The following KCNJ10 variants were observed in gnomAD, a reference collection of about 807,000 sequenced individuals.
KCNJ10 encodes the protein ATP-sensitive inward rectifier potassium channel 10.
KCNJ10 carries 9 observed loss-of-function variants against 22.2 expected under a neutral mutation model. That is an observed-to-expected ratio of 0.40 (90% CI 0.24 to 0.71). KCNJ10 has a LOEUF of 0.71. Among genes scored for constraint, KCNJ10 ranks in the 30% least tolerant of loss-of-function variants. KCNJ10 has a pLI of 0.35. For missense variants in KCNJ10, 337 were observed against 482.7 expected (o/e 0.70, Z 2.83); for synonymous variants, 184 against 187.3 (o/e 0.98, Z 0.15).
chr1:160,069,050 A>G (rs1186676), intron 1 of KCNJ10, among the ~76,000 whole-genome samples: 32,601 of 152,224 alleles, frequency 0.21, 4,356 homozygotes, highest in Non-Finnish European at 0.29. Context: ...AAGCAACAGA[A>G]GCAGGCTTTA....
chr1:160,059,743 C>A (rs764654803), intron 1 of KCNJ10, among the ~76,000 whole-genome samples: 15 of 152,326 alleles, frequency 9.8e-5, no homozygotes, highest in Non-Finnish European at 2.2e-4. Flanking sequence ...CGCTGGAAAC[C>A]CCACAGGGGC....
At chr1:160,052,230 T>A (rs150477654) in intron 1 of KCNJ10, among the ~76,000 whole-genome samples, 45 of 152,344 alleles carry the variant, frequency 3.0e-4, no homozygotes, top group African/African-American at 1.0e-3. Flanking sequence ...ACTATAGCTA[T>A]TAACTAATCC....
At position 160,042,237 on chromosome 1, in the gene KCNJ10, A is replaced by G. The variant is rs540341763; in HGVS notation, c.296T>C (p.Leu99Pro). The G allele has an allele frequency of 1.2e-5, 19 of 1,614,032 alleles. 1 individual carries two copies. In the South Asian group the frequency reaches 2.0e-4, roughly 17 times the overall value. Reference protein sequence around the residue: ...VAVAHGDLLELDPPANHTPCV... With the variant: ...VAVAHGDLLEPDPPANHTPCV... ...GGGGGTGTGGTTGGCCGGGGGGTCC[A>G]GCTCCAGCAGGTCCCCATGTGCCAC... The change falls in exon 2 of 2, where the codon CTG becomes CCG. Residue 99 changes from leucine to proline, a missense_variant. Around this residue, in one of 3 missense-constraint regions of KCNJ10, gnomAD observed 107 missense variants for 135.2 expected, o/e 0.79. Coordinates refer to ENST00000644903, the MANE Select transcript of KCNJ10 (RefSeq NM_002241.5).
At position 160,040,442 on chromosome 1, in the gene KCNJ10, T is replaced by A; in HGVS notation, c.*951A>T. 1 of 398,364 alleles carries A rather than the reference T, an allele frequency of 2.5e-6. No individual in the cohort carries two copies. Among genetic ancestry groups the A allele is most frequent in the Non-Finnish European group, 4.4e-6 (1 of 225,904 alleles). 24.7% of individuals were successfully genotyped at this position (398,364 alleles called of 1,614,324 possible). Reference sequence around the variant, plus strand: ...GGGGTTAAGGAAGAAGGATCTAGGCTGAGCAGGAAAGGAAGAAGAGAAGCC... The same window carrying A: ...GGGGTTAAGGAAGAAGGATCTAGGCAGAGCAGGAAAGGAAGAAGAGAAGCC... On this transcript the variant is annotated 3_prime_UTR_variant, in exon 2 of 2. Coordinates refer to ENST00000644903, the MANE Select transcript of KCNJ10 (RefSeq NM_002241.5).
At chr1:160,047,140 T>C (rs902036537) in intron 1 of KCNJ10, among the ~76,000 whole-genome samples, 5 of 152,234 alleles carry the variant, frequency 3.3e-5, no homozygotes, top group African/African-American at 1.2e-4. Context: ...TTTATTTTAC[T>C]TGAGAGTCAT....
Position 160,041,177 on chromosome 1 carries a change from T to C in KCNJ10, c.*216A>G. On this transcript the variant is annotated 3_prime_UTR_variant, in exon 2 of 2. Coordinates refer to ENST00000644903, the MANE Select transcript of KCNJ10 (RefSeq NM_002241.5). This position sits in a 1 kb window ranked among gnomAD's most constrained non-coding sequence, Gnocchi z 4.4. ...CCCATCCTGGCTTAAGGGAGGTATGTGTATTGGGGCAGAAGCTGGGGAAGT... is the reference window on the plus strand; with the variant it reads ...CCCATCCTGGCTTAAGGGAGGTATGCGTATTGGGGCAGAAGCTGGGGAAGT... 1.7e-6 allele frequency: 1 copy of C among 598,916 alleles called. No individual in the cohort carries two copies. Among genetic ancestry groups the C allele is most frequent in the Non-Finnish European group, 3.0e-6 (1 of 335,086 alleles). 37.1% of individuals were successfully genotyped at this position (598,916 alleles called of 1,614,324 possible).
At chr1:160,060,458 A>G (rs1426234379) in intron 1 of KCNJ10, among the ~76,000 whole-genome samples, 2 of 152,188 alleles carry the variant, frequency 1.3e-5, no homozygotes, top group Non-Finnish European at 2.9e-5. Flanking sequence ...AGAATCCAGT[A>G]GCCAGAGGGG....
intron 1 of KCNJ10, among the ~76,000 whole-genome samples, chr1:160,054,588 C>T (rs1648980349): frequency 6.6e-6 from 1 of 152,202 alleles, no homozygotes; most frequent in African/African-American, 2.4e-5. Flanking sequence ...CCGAAGGACA[C>T]TAGGGAAAAT....
At chr1:160,046,629 G>T (rs1648747215) in intron 1 of KCNJ10, among the ~76,000 whole-genome samples, 1 of 152,144 alleles carries the variant, frequency 6.6e-6, no homozygotes, top group Non-Finnish European at 1.5e-5. Flanking sequence ...GCCAGCCTTT[G>T]TATCTGCCAC....
At chr1:160,044,700 C>A (rs1375474817) in intron 1 of KCNJ10, 1 of 152,152 alleles carries the variant, frequency 6.6e-6, no homozygotes, top group African/African-American at 2.4e-5. Context: ...TGTGGATTTA[C>A]TAAGAACAAG....
At chr1:160,050,044 G>T (rs1413351915) in intron 1 of KCNJ10, among the ~76,000 whole-genome samples, 1 of 151,818 alleles carries the variant, frequency 6.6e-6, no homozygotes, top group African/African-American at 2.4e-5. Flanking sequence ...AACACTAATA[G>T]GTATGCAAAC....
chr1:160,050,658 G>A (rs1370490173), intron 1 of KCNJ10, among the ~76,000 whole-genome samples: 2 of 152,152 alleles, frequency 1.3e-5, no homozygotes, highest in Non-Finnish European at 2.9e-5. Flanking sequence ...CAAGGGAACA[G>A]GGTTGGGAAA....
chr1:160,054,557 A>G (rs1270996074), intron 1 of KCNJ10, among the ~76,000 whole-genome samples: 9 of 152,240 alleles, frequency 5.9e-5, no homozygotes, highest in Non-Finnish European at 7.3e-5. Context: ...TACCGCTAAG[A>G]CATGCGATGC....
intron 1 of KCNJ10, among the ~76,000 whole-genome samples, chr1:160,069,046 C>T (rs1250837655): frequency 6.6e-6 from 1 of 152,240 alleles, no homozygotes; most frequent in Non-Finnish European, 1.5e-5. Flanking sequence ...TGGTAAGCAA[C>T]AGAAGCAGGC....
chr1:160,039,373 GAC>G lies in KCNJ10; in HGVS notation c.*2018_*2019del, dbSNP rs56656397. 0.12 allele frequency: 16,157 copies of G among 134,666 alleles called. 988 individuals are homozygous for G. Among genetic ancestry groups the G allele is most frequent in the Non-Finnish European group, 0.14 (9,129 of 63,764 alleles). 8.3% of individuals were successfully genotyped at this position (134,666 alleles called of 1,614,324 possible). A position where few individuals can be genotyped will look rare whatever the true frequency, so the allele number is the denominator to read the frequency against. ...ACTTGGCAATGGATAGGAAGGTATAGACACACACACACACACACACACACACA... is the reference window on the plus strand; with the variant it reads ...ACTTGGCAATGGATAGGAAGGTATAGACACACACACACACACACACACACA... On this transcript the variant is annotated 3_prime_UTR_variant, in exon 2 of 2. Transcript: ENST00000644903.
chr1:160,040,727 G>A lies in KCNJ10; in HGVS notation c.*666C>T, dbSNP rs1369181498. 2 of 397,698 alleles carry A rather than the reference G, an allele frequency of 5.0e-6. No individual in the cohort carries two copies. Among genetic ancestry groups the A allele is most frequent in the Non-Finnish European group, 8.8e-6 (2 of 226,014 alleles). 24.6% of individuals were successfully genotyped at this position (397,698 alleles called of 1,614,324 possible). A position where few individuals can be genotyped will look rare whatever the true frequency, so the allele number is the denominator to read the frequency against. ...TTTCTTGGGCCAACTCCAATTCTCT[G>A]AGAACAGAGGCTATGAGGGAACTGG... On this transcript the variant is annotated 3_prime_UTR_variant, in exon 2 of 2. Transcript: ENST00000644903.
chr1:160,069,342 C>T (rs990681269), intron 1 of KCNJ10, among the ~76,000 whole-genome samples: 6 of 152,288 alleles, frequency 3.9e-5, no homozygotes, highest in Non-Finnish European at 8.8e-5. Context: ...TTTATAGAAC[C>T]CAATCTGCCC....
At chr1:160,062,956 C>T (rs911755846) in intron 1 of KCNJ10, among the ~76,000 whole-genome samples, 2 of 152,076 alleles carry the variant, frequency 1.3e-5, no homozygotes, top group African/African-American at 2.4e-5. Flanking sequence ...GGACAAGAGT[C>T]GCCTGCCACC....
At chr1:160,067,749 G>A (rs375087187) in intron 1 of KCNJ10, among the ~76,000 whole-genome samples, 1 of 152,086 alleles carries the variant, frequency 6.6e-6, no homozygotes, top group Non-Finnish European at 1.5e-5. Flanking sequence ...CAGGAGGCTC[G>A]GCCTATCTTT....
Sources: allele counts gnomAD v4.1 joint callset (sites outside exome capture counted in the v4.1 genomes callset), GRCh38; gene constraint gnomAD v4.1.1; regional missense constraint gnomAD v4.1.1; non-coding constraint Gnocchi (gnomAD v3.1); transcripts MANE v1.5; gene names NCBI Gene and HGNC (gene_info 2026-07-23, HGNC 2026-07-21).